VWA5B1: variants seen among roughly 807,000 people sequenced by gnomAD.
The protein encoded by VWA5B1 is von Willebrand factor A domain containing 5B1.
VWA5B1 carries 115 observed loss-of-function variants against 118.2 expected under a neutral mutation model. The observed-to-expected ratio is 0.97, with a 90% confidence interval of 0.84 to 1.14. The LOEUF is 1.14. Among genes scored for constraint, VWA5B1 ranks in the 50% most tolerant of loss-of-function variants. VWA5B1 has a pLI of 0.00. For missense variants in VWA5B1, 1,596 were observed against 1,603.8 expected (o/e 1.00, Z 0.08); for synonymous variants, 682 against 658.4 (o/e 1.04, Z -0.55).
intron 9 of VWA5B1, among the ~76,000 whole-genome samples, chr1:20,329,592 C>G (rs1211623630): frequency 6.6e-6 from 1 of 152,080 alleles, no homozygotes; most frequent in African/African-American, 2.4e-5. Flanking sequence ...CTTCTAAGTC[C>G]TGTCCAAGGG....
rs2089283925 is a variant in VWA5B1, at chr1:20,323,455, A to C, written c.1066A>C (p.Arg356=). The C allele has an allele frequency of 6.5e-7, 1 of 1,537,898 alleles. No homozygotes were observed. The highest frequency in any genetic ancestry group is 1.4e-5 in the African/African-American group (1 of 72,354). Residue 356 remains arginine, a synonymous_variant, in exon 8 of 22, where the codon AGA becomes CGA. Coordinates refer to ENST00000289815, the MANE Select transcript of VWA5B1 (RefSeq NM_001039500.3). ...PDLQSVQPCL[R]KAHGEFIFLI... ...CCTCCAGTCAGTCCAGCCGTGCCTGAGAAAGGCCCACGGGGAGTTCATCTT... is the reference window on the plus strand; with the variant it reads ...CCTCCAGTCAGTCCAGCCGTGCCTGCGAAAGGCCCACGGGGAGTTCATCTT...
At chr1:20,350,727 G>A in intron 19 of VWA5B1, 130 bp from the exon 20 acceptor site, 1 of 829,506 alleles carries the variant, frequency 1.2e-6, no homozygotes, top group South Asian at 1.5e-5. Context: ...CAGCCTAATG[G>A]TTAGCTCGAG....
intron 13 of VWA5B1, among the ~76,000 whole-genome samples, chr1:20,337,083 C>T (rs963039280): frequency 5.9e-5 from 9 of 151,936 alleles, no homozygotes; most frequent in African/African-American, 2.2e-4. Flanking sequence ...AGCACACACA[C>T]AATTGGCTTC....
intron 8 of VWA5B1, among the ~76,000 whole-genome samples, chr1:20,325,730 T>G (rs971492618): frequency 2.6e-5 from 4 of 152,342 alleles, no homozygotes; most frequent in African/African-American, 9.6e-5. Context: ...GGTCATGCCT[T>G]CACAAATGGC....
chr1:20,352,186 C>T lies in VWA5B1; in HGVS notation c.3141+14C>T, dbSNP rs1405340077. ...TACATACCTCTGGTGAGTGCCCTGACCCCAGGTGTCAGTCTCCCTCCGCTC... is the reference window on the plus strand; with the variant it reads ...TACATACCTCTGGTGAGTGCCCTGATCCCAGGTGTCAGTCTCCCTCCGCTC... On this transcript the variant is annotated intron_variant, in intron 21 of 21. Coordinates refer to ENST00000289815, the MANE Select transcript of VWA5B1 (RefSeq NM_001039500.3). 3.9e-6 allele frequency: 6 copies of T among 1,542,428 alleles called. No individual in the cohort carries two copies. Among genetic ancestry groups the T allele is most frequent in the African/African-American group, 1.4e-5 (1 of 72,786 alleles).
In VWA5B1 at chr1:20,309,608, C is replaced by G. The variant is rs530791197; in HGVS notation, c.-26-968C>G. 3.9e-5 allele frequency among the ~76,000 whole-genome samples: 6 copies of G among 152,320 alleles called. No individual in the cohort carries two copies. The East Asian group carries it at 9.6e-4, about 24-fold the overall frequency. On this transcript the variant is annotated intron_variant, in intron 1 of 21. Coordinates refer to ENST00000289815, the MANE Select transcript of VWA5B1 (RefSeq NM_001039500.3). ...CCAGCAGGGGCCCAACCCCACAGAG[C>G]CACAGGCCACCTTAAGCTTTGGTTC... is the stretch of plus-strand genomic sequence containing the variant.
At chr1:20,307,810 C>CTTT (rs11348747) in intron 1 of VWA5B1, among the ~76,000 whole-genome samples, 30 of 145,296 alleles carry the variant, frequency 2.1e-4, no homozygotes, top group African/African-American at 6.8e-4. Flanking sequence ...TTCTGACATT[C>CTTT]TTTTTTTTTT....
chr1:20,352,307 T>C (rs1189434935), intron 21 of VWA5B1, 135 bp downstream of exon 21: 1 of 699,526 alleles, frequency 1.4e-6, no homozygotes, highest in East Asian at 3.0e-5. Context: ...ATCCCCTGAG[T>C]TTTGAGGTTT....
chr1:20,308,622 C>T (rs1236316042), intron 1 of VWA5B1, among the ~76,000 whole-genome samples: 1 of 152,184 alleles, frequency 6.6e-6, no homozygotes, highest in East Asian at 1.9e-4. Context: ...GGAGAGAGAT[C>T]TCCTGAGAGA....
intron 2 of VWA5B1, among the ~76,000 whole-genome samples, chr1:20,311,043 G>A (rs2088834016): frequency 6.6e-6 from 1 of 152,112 alleles, no homozygotes; most frequent in African/African-American, 2.4e-5. Context: ...TGCGATCACG[G>A]CTCACTGCAG....
Position 20,343,130 on chromosome 1 carries a change from AC to A in VWA5B1, c.2369del (p.Pro790GlnfsTer38). 3 of 1,536,912 alleles carry A rather than the reference AC, an allele frequency of 2.0e-6. No individual in the cohort carries two copies. Among genetic ancestry groups the A allele is most frequent in the Non-Finnish European group, 8.8e-7 (1 of 1,140,334 alleles). On this transcript the variant is annotated frameshift_variant, in exon 16 of 22. Transcript: ENST00000289815. LOFTEE classifies it high-confidence loss of function. Reference sequence around the variant, plus strand: ...GAGACAGAGACGTCCTCGGACTGGGACCCCCCAGCCGAGTCCCAGGAGCGAG... The same window carrying A: ...GAGACAGAGACGTCCTCGGACTGGGACCCCCAGCCGAGTCCCAGGAGCGAG... ...AFETETSSDW[D>X]PPAESQERAS...
chr1:20,292,423 T>C (rs1003596256), intron 1 of VWA5B1, among the ~76,000 whole-genome samples: 1 of 152,150 alleles, frequency 6.6e-6, no homozygotes, highest in African/African-American at 2.4e-5. Context: ...TGCATGTGTG[T>C]GCGTGTGATG....
At chr1:20,317,821 C>T (rs2089069604) in intron 5 of VWA5B1, 146 bp downstream of exon 5, 3 of 1,119,062 alleles carry the variant, frequency 2.7e-6, no homozygotes, top group East Asian at 5.6e-5. Flanking sequence ...CCCCCATTTC[C>T]CATGGCCCCA....
intron 11 of VWA5B1, among the ~76,000 whole-genome samples, chr1:20,331,638 C>T (rs2089558243): frequency 6.6e-6 from 1 of 151,924 alleles, no homozygotes; most frequent in Admixed American, 6.6e-5. Flanking sequence ...CAGCAGGGAG[C>T]TCTGGAGCAA....
At chr1:20,305,033 A>C (rs1006188441) in intron 1 of VWA5B1, among the ~76,000 whole-genome samples, 2 of 152,234 alleles carry the variant, frequency 1.3e-5, no homozygotes, top group African/African-American at 4.8e-5. Flanking sequence ...TGGATACAGC[A>C]GTGAATAAAC....
rs1362455612 is a variant in VWA5B1, at chr1:20,354,199, T to C, written c.3584T>C (p.Leu1195Pro). The C allele has an allele frequency of 5.2e-6, 8 of 1,551,184 alleles. No individual in the cohort carries two copies. Among genetic ancestry groups the C allele is most frequent in the Non-Finnish European group, 7.0e-6 (8 of 1,146,986 alleles). Residue 1195 changes from leucine (L) to proline (P), a missense_variant, in exon 22 of 22, where the codon CTT becomes CCT. Leu to Pro is a moderately conservative substitution (Grantham distance 98). Transcript: ENST00000289815. ...GCCGCTGCCCGCCAGCTGTTTGTGC[T>C]TCTGCGGCACTGGGATGAGAATCTC... ...LKAAARQLFV[L>P]LRHWDENLEF...
At chr1:20,321,129 A>AAAAT (rs1553198060) in intron 7 of VWA5B1, among the ~76,000 whole-genome samples, 2 of 150,802 alleles carry the variant, frequency 1.3e-5, no homozygotes, top group Admixed American at 1.3e-4. Flanking sequence ...AAAAAAAAAA[A>AAAAT]CACGAAAAGA....
rs140153782 is a variant in VWA5B1, at chr1:20,356,884, C to T, written c.*2621C>T. Among the ~76,000 whole-genome samples the T allele has an allele frequency of 2.4e-3, 364 of 152,240 alleles. 3 individuals carry two copies. Among genetic ancestry groups the T allele is most frequent in the African/African-American group, 8.2e-3 (340 of 41,542 alleles). Reference sequence around the variant, plus strand: ...ACATGCAGCCTCAAAAACGTGCTACCGGGACTGCTAGGCAGAGGACCTAGG... The same window carrying T: ...ACATGCAGCCTCAAAAACGTGCTACTGGGACTGCTAGGCAGAGGACCTAGG... On this transcript the variant is annotated 3_prime_UTR_variant, in exon 22 of 22. Coordinates refer to ENST00000289815, the MANE Select transcript of VWA5B1 (RefSeq NM_001039500.3).
intron 1 of VWA5B1, among the ~76,000 whole-genome samples, chr1:20,297,829 C>G (rs2088433416): frequency 6.6e-6 from 1 of 152,186 alleles, no homozygotes; most frequent in Non-Finnish European, 1.5e-5. Flanking sequence ...GTTATTTCCC[C>G]TCTGAGCCTC....
Sources: allele counts gnomAD v4.1 joint callset (sites outside exome capture counted in the v4.1 genomes callset), GRCh38; gene constraint gnomAD v4.1.1; transcripts MANE v1.5; gene names NCBI Gene and HGNC (gene_info 2026-07-23, HGNC 2026-07-21).